The following RBFOX1 variants were observed in gnomAD, a reference collection of about 807,000 sequenced individuals.
The protein encoded by RBFOX1 is RNA binding protein fox-1 homolog 1.
A neutral mutation model predicts 57.7 loss-of-function variants in RBFOX1; 8 were observed. The ratio of observed to expected loss-of-function variants is 0.14; its 90% CI spans 0.08 to 0.25. The LOEUF (loss-of-function observed/expected upper bound fraction) is 0.25, where lower values mean the gene tolerates loss of function less well. Ranked by LOEUF, RBFOX1 falls within the 10% of genes least tolerant of loss-of-function variation. The pLI is 1.00. For missense variants in RBFOX1, 611 were observed against 548.5 expected (o/e 1.11, Z -1.14); for synonymous variants, 326 against 222.4 (o/e 1.47, Z -4.15).
chr16:7,656,302 G>A (rs115720922), intron 12 of RBFOX1, among the ~76,000 whole-genome samples: 2,548 of 152,250 alleles, frequency 0.017, 69 homozygotes, highest in African/African-American at 0.057. Flanking sequence ...GAATTGGCAC[G>A]GAATGAAAAA....
intron 3 of RBFOX1, among the ~76,000 whole-genome samples, chr16:5,667,882 C>A (rs12928116): frequency 6.6e-6 from 1 of 152,044 alleles, no homozygotes; most frequent in Non-Finnish European, 1.5e-5. Context: ...ATTGATGCAG[C>A]GAAACTGCCT....
chr16:7,255,871 T>G (rs923299889), intron 4 of RBFOX1, among the ~76,000 whole-genome samples: 2 of 152,238 alleles, frequency 1.3e-5, no homozygotes, highest in African/African-American at 4.8e-5. Flanking sequence ...ATTTCATGTG[T>G]TCAATAGCCA....
At position 7,425,264 on chromosome 16, in the gene RBFOX1, A is replaced by G. The variant is rs551932347; in HGVS notation, c.28-92883A>G. Among the ~76,000 whole-genome samples, 3 of 152,274 alleles carry G rather than the reference A, an allele frequency of 2.0e-5. No individual in the cohort carries two copies. In the East Asian group the frequency reaches 5.8e-4, roughly 29 times the overall value. ...GCGGATTTACAACACACTGAATGAGAGAAGTGGGGTTTAATTTTTTCACTA... is the reference window on the plus strand; with the variant it reads ...GCGGATTTACAACACACTGAATGAGGGAAGTGGGGTTTAATTTTTTCACTA... On this transcript the variant is annotated intron_variant, in intron 4 of 15. Coordinates refer to ENST00000550418, the MANE Select transcript of RBFOX1 (RefSeq NM_018723.4).
intron 4 of RBFOX1, among the ~76,000 whole-genome samples, chr16:5,995,641 C>G (rs1413552450): frequency 1.3e-5 from 2 of 152,160 alleles, no homozygotes; most frequent in East Asian, 1.9e-4. Flanking sequence ...ATCCTGGATG[C>G]TACAAGTCAA....
chr16:6,531,838 GA>G (rs1336180556), intron 2 of RBFOX1, among the ~76,000 whole-genome samples: 1 of 152,178 alleles, frequency 6.6e-6, no homozygotes, highest in East Asian at 1.9e-4. Flanking sequence ...TAATTACAGG[GA>G]CAGTCTCAAC....
intron 4 of RBFOX1, among the ~76,000 whole-genome samples, chr16:7,173,597 C>T (rs1019651942): frequency 3.9e-5 from 6 of 152,050 alleles, no homozygotes; most frequent in African/African-American, 7.2e-5. Context: ...TTTTACACTT[C>T]AACTGCAATA....
In RBFOX1 at chr16:5,870,065, A is replaced by G. The variant is rs2057432030; in HGVS notation, c.351+2730A>G. Among the ~76,000 whole-genome samples the G allele has an allele frequency of 7.3e-5, 11 of 151,428 alleles. No homozygotes were observed. In the South Asian group the frequency reaches 2.3e-3, roughly 31 times the overall value. Reference sequence around the variant, plus strand: ...AATATAATATTATAAGAAAAATATCAGAACAAAAGAATGTACCCTCCATGA... The same window carrying G: ...AATATAATATTATAAGAAAAATATCGGAACAAAAGAATGTACCCTCCATGA... On this transcript the variant is annotated intron_variant, in intron 4 of 19. Coordinates refer to the RBFOX1 transcript ENST00000641259.
intron 3 of RBFOX1, among the ~76,000 whole-genome samples, chr16:6,981,467 AACC>A (rs2088850908): frequency 6.6e-6 from 1 of 152,170 alleles, no homozygotes; most frequent in Non-Finnish European, 1.5e-5. Context: ...GGTGTGTATA[AACC>A]ACAGATTCTT....
At chr16:6,672,431 AAGAAAAGAAAG>A (rs1315777960) in intron 3 of RBFOX1, among the ~76,000 whole-genome samples, 1 of 151,616 alleles carries the variant, frequency 6.6e-6, no homozygotes, top group Non-Finnish European at 1.5e-5. Context: ...AGGAAGGAAA[AAGAAAAGAAAG>A]AGAAAAGAAA....
chr16:7,694,199 T>C (rs1038265612), intron 14 of RBFOX1, among the ~76,000 whole-genome samples: 8 of 152,236 alleles, frequency 5.3e-5, no homozygotes, highest in African/African-American at 1.7e-4. Flanking sequence ...AATGTGTTGC[T>C]TTCAGCCTGC....
At position 5,573,998 on chromosome 16, in the gene RBFOX1, G is replaced by A. The variant is rs116008447; in HGVS notation, c.259-24904G>A. On this transcript the variant is annotated intron_variant, in intron 2 of 2. Coordinates refer to the RBFOX1 transcript ENST00000585867. ...AGAAAAAATGAAACAAGTCTGTTCCGAAACCATATCTTGTTTATGTTTAGC... is the reference window on the plus strand; with the variant it reads ...AGAAAAAATGAAACAAGTCTGTTCCAAAACCATATCTTGTTTATGTTTAGC... Among the ~76,000 whole-genome samples the A allele has an allele frequency of 4.5e-3, 690 of 152,226 alleles. 3 individuals are homozygous for A. The highest frequency in any genetic ancestry group is 0.015 in the African/African-American group (632 of 41,542).
intron 3 of RBFOX1, among the ~76,000 whole-genome samples, chr16:5,650,844 T>A (rs932420688): frequency 2.6e-5 from 4 of 151,934 alleles, no homozygotes; most frequent in African/African-American, 9.7e-5. Flanking sequence ...AGGCGACGGG[T>A]CATGAAGACA....
chr16:7,298,420 C>A (rs2095951057), intron 4 of RBFOX1, among the ~76,000 whole-genome samples: 1 of 151,606 alleles, frequency 6.6e-6, no homozygotes, highest in African/African-American at 2.4e-5. Context: ...TCCCAAGTAG[C>A]TGGGACTACA....
At chr16:7,357,739 G>C (rs528194739) in intron 4 of RBFOX1, among the ~76,000 whole-genome samples, 14 of 152,262 alleles carry the variant, frequency 9.2e-5, no homozygotes, top group African/African-American at 3.1e-4. Context: ...TAGTGGAGGT[G>C]CTTCCTGTGA....
At chr16:7,263,346 C>G (rs187694270) in intron 4 of RBFOX1, among the ~76,000 whole-genome samples, 70 of 152,122 alleles carry the variant, frequency 4.6e-4, no homozygotes, top group Non-Finnish European at 7.6e-4. Flanking sequence ...TGAGAAGCCC[C>G]AGAATTTCGA....
intron 2 of RBFOX1, among the ~76,000 whole-genome samples, chr16:5,540,734 T>G (rs573886174): frequency 8.7e-4 from 133 of 152,346 alleles, no homozygotes; most frequent in South Asian, 5.6e-3. Context: ...TAGTCTTTGC[T>G]GCTAAAAGTA....
intron 3 of RBFOX1, among the ~76,000 whole-genome samples, chr16:6,700,329 A>G (rs2061637716): frequency 1.3e-5 from 2 of 150,050 alleles, no homozygotes; most frequent in African/African-American, 2.4e-5. Flanking sequence ...AAATTTTTAA[A>G]ACATCAGCAC....
At chr16:5,989,634 C>A (rs1435347996) in intron 4 of RBFOX1, among the ~76,000 whole-genome samples, 1 of 151,924 alleles carries the variant, frequency 6.6e-6, no homozygotes, top group Non-Finnish European at 1.5e-5. Context: ...TGCTTTTCTG[C>A]CCTTCACCTC....
intron 1 of RBFOX1, among the ~76,000 whole-genome samples, chr16:5,399,774 T>G (rs1836478552): frequency 6.6e-6 from 1 of 152,054 alleles, no homozygotes; most frequent in Non-Finnish European, 1.5e-5. Context: ...TTTGCAGTTC[T>G]AAGTCATGAC....
Sources: gnomAD v4.1 joint callset for allele counts (sites outside exome capture counted in the v4.1 genomes callset) on GRCh38, gnomAD v4.1.1 for gene constraint, MANE v1.5 for transcripts, NCBI Gene and HGNC (gene_info 2026-07-23, HGNC 2026-07-21) for gene names.